The following PCDH11X variants were observed in gnomAD, a reference collection of about 807,000 sequenced individuals.
The protein encoded by PCDH11X is protocadherin-11 X-linked.
PCDH11X carries 18 observed loss-of-function variants against 53.3 expected under a neutral mutation model. The observed-to-expected ratio is 0.34, with a 90% CI of 0.23 to 0.50. The LOEUF is 0.50. Ranked by LOEUF, PCDH11X falls within the 20% of genes least tolerant of loss-of-function variation. PCDH11X has a pLI of 0.98. For synonymous variants in PCDH11X, 279 were observed against 393.3 expected, an observed-to-expected ratio of 0.71 and a Z score of 3.44; for missense variants, 570 against 1,032.4, an observed-to-expected ratio of 0.55 and a Z score of 6.14.
chrX:92,377,898 A>T (rs2917209), intron 8 of PCDH11X, among the ~76,000 whole-genome samples: 43,175 of 106,251 alleles, frequency 0.41, 7,030 homozygotes, highest in Non-Finnish European at 0.49. Flanking sequence ...ATATATATAT[A>T]TCCAAAGACA....
chrX:92,418,499 C>T (rs946059895), intron 9 of PCDH11X, among the ~76,000 whole-genome samples: 1 of 110,192 alleles, frequency 9.1e-6, no homozygotes, highest in Non-Finnish European at 1.9e-5. Context: ...TTTGTATTGC[C>T]CCTTTTCATT....
intron 10 of PCDH11X, among the ~76,000 whole-genome samples, chrX:92,495,116 A>C (rs1404172723): frequency 1.8e-5 from 2 of 108,126 alleles, no homozygotes; most frequent in African/African-American, 6.7e-5. Flanking sequence ...TATTTACATA[A>C]AATATTTATA....
At chrX:92,200,726 A>C in intron 6 of PCDH11X, among the ~76,000 whole-genome samples, 1 of 111,841 alleles carries the variant, frequency 8.9e-6, no homozygotes, top group East Asian at 2.8e-4. Context: ...TATGGCAAAT[A>C]GCAAATTTGT....
intron 8 of PCDH11X, among the ~76,000 whole-genome samples, chrX:92,276,614 G>A (rs2068099006): frequency 9.0e-6 from 1 of 111,145 alleles, no homozygotes; most frequent in Admixed American, 9.6e-5. Context: ...GATGTGGCTG[G>A]GGTTTGTCTC....
chrX:92,506,303 T>C (rs1240911618), intron 10 of PCDH11X, among the ~76,000 whole-genome samples: 3 of 96,226 alleles, frequency 3.1e-5, no homozygotes, highest in Non-Finnish European at 6.1e-5. Context: ...GTGAGCATCC[T>C]TGTCTGGTTC....
At chrX:91,819,194 G>A (rs1410066641) in intron 4 of PCDH11X, among the ~76,000 whole-genome samples, 1 of 109,392 alleles carries the variant, frequency 9.1e-6, no homozygotes, top group Non-Finnish European at 1.9e-5. Flanking sequence ...CATGGAATAT[G>A]CTGAATGAAG....
At chrX:92,319,896 G>T (rs773164688) in intron 8 of PCDH11X, among the ~76,000 whole-genome samples, 1 of 111,946 alleles carries the variant, frequency 8.9e-6, no homozygotes, top group South Asian at 3.7e-4. Context: ...AGTGGACACA[G>T]AATTTTCTTT....
chrX:92,152,809 A>ATTTT (rs1344096628), intron 6 of PCDH11X, among the ~76,000 whole-genome samples: 1 of 110,218 alleles, frequency 9.1e-6, no homozygotes, highest in Non-Finnish European at 1.9e-5. Flanking sequence ...TTATTTATTT[A>ATTTT]TTTTTTGAGA....
At chrX:91,846,650 G>T (rs1249424426) in intron 5 of PCDH11X, among the ~76,000 whole-genome samples, 2 of 110,492 alleles carry the variant, frequency 1.8e-5, no homozygotes, top group South Asian at 7.8e-4. Context: ...TTATTTTAAA[G>T]TGTCTCCATG....
chrX:92,232,129 G>A (rs958757002), intron 7 of PCDH11X, among the ~76,000 whole-genome samples: 3 of 111,919 alleles, frequency 2.7e-5, no homozygotes, highest in Non-Finnish European at 5.6e-5. Flanking sequence ...TTATTATTGC[G>A]TTAATGAGGT....
At chrX:92,054,185 A>C (rs1262376912) in intron 6 of PCDH11X, among the ~76,000 whole-genome samples, 1 of 111,528 alleles carries the variant, frequency 9.0e-6, no homozygotes, top group African/African-American at 3.3e-5. Context: ...TTGCTAAATC[A>C]CTTACAAATT....
chrX:91,922,479 G>T (rs938036028), intron 6 of PCDH11X, among the ~76,000 whole-genome samples: 12 of 111,709 alleles, frequency 1.1e-4, no homozygotes, highest in African/African-American at 3.6e-4. Flanking sequence ...GACCTGTTAG[G>T]AACTGGGGCC....
At chrX:92,284,378 A>G (rs1468649662) in intron 8 of PCDH11X, among the ~76,000 whole-genome samples, 3 of 110,965 alleles carry the variant, frequency 2.7e-5, no homozygotes, top group African/African-American at 9.8e-5. Flanking sequence ...CAGTTATTAG[A>G]CATTATAAAT....
intron 7 of PCDH11X, among the ~76,000 whole-genome samples, chrX:92,250,393 C>T (rs1481381092): frequency 9.1e-6 from 1 of 109,516 alleles, no homozygotes; most frequent in Non-Finnish European, 1.9e-5. Flanking sequence ...GGCAGTCACT[C>T]GAACAGTTAA....
intron 8 of PCDH11X, among the ~76,000 whole-genome samples, chrX:92,350,509 C>G (rs12850227): frequency 3.6e-5 from 4 of 111,364 alleles, no homozygotes; most frequent in East Asian, 2.9e-4. Flanking sequence ...TCTGGATCTA[C>G]CCACCCAGCT....
chrX:91,988,956 G>C (rs918582330), intron 6 of PCDH11X, among the ~76,000 whole-genome samples: 2 of 111,500 alleles, frequency 1.8e-5, no homozygotes, highest in African/African-American at 6.5e-5. Context: ...CTGGCTGAAG[G>C]AACCCTAAAT....
At chrX:91,909,217 T>A (rs1434586011) in intron 6 of PCDH11X, among the ~76,000 whole-genome samples, 1 of 111,731 alleles carries the variant, frequency 9.0e-6, no homozygotes, top group Non-Finnish European at 1.9e-5. Context: ...TCAGCCAACA[T>A]ACTTTATTGG....
At chrX:92,257,046 C>A (rs755781102) in intron 7 of PCDH11X, among the ~76,000 whole-genome samples, 22 of 111,727 alleles carry the variant, frequency 2.0e-4, no homozygotes, top group Admixed American at 5.7e-4. Flanking sequence ...GCCAATTGTA[C>A]AGAAAGCATA....
chrX:92,273,163 C>T (rs908304645), intron 8 of PCDH11X, among the ~76,000 whole-genome samples: 15 of 110,973 alleles, frequency 1.4e-4, no homozygotes, highest in Middle Eastern at 4.6e-3. Context: ...TGGGTGCAGG[C>T]GGGCTGAGTC....
Sources: allele counts gnomAD v4.1 joint callset (sites outside exome capture counted in the v4.1 genomes callset), GRCh38; gene constraint gnomAD v4.1.1; transcripts MANE v1.5; gene names NCBI Gene and HGNC (gene_info 2026-07-23, HGNC 2026-07-21).